CSMD1: variants seen among roughly 807,000 people sequenced by gnomAD.
CSMD1 encodes CUB and sushi domain-containing protein 1.
CSMD1 carries 213 observed loss-of-function variants against 417.5 expected under a neutral mutation model. The observed-to-expected ratio is 0.51, with a 90% CI of 0.46 to 0.57. The LOEUF is 0.57. Among genes scored for constraint, CSMD1 ranks in the 20% least tolerant of loss-of-function variants. CSMD1 has a pLI of 0.00. For missense variants in CSMD1, 6,923 were observed against 4,529.7 expected (o/e 1.53, Z -15.17); for synonymous variants, 2,862 against 1,736.8 (o/e 1.65, Z -16.11).
chr8:4,828,738 T>C (rs1715808803), intron 1 of CSMD1, among the ~76,000 whole-genome samples: 1 of 152,166 alleles, frequency 6.6e-6, no homozygotes, highest in African/African-American at 2.4e-5. Flanking sequence ...ACTTTTATCA[T>C]TTGGAGGTAC....
chr8:3,708,267 T>C (rs1801292338), intron 7 of CSMD1, 147 bp downstream of exon 7: 2 of 660,634 alleles, frequency 3.0e-6, no homozygotes, highest in Admixed American at 2.7e-5. Flanking sequence ...GTGCATGTTC[T>C]TTCTCCCAGA....
intron 2 of CSMD1, among the ~76,000 whole-genome samples, chr8:4,478,155 C>A (rs1009284423): frequency 6.6e-6 from 1 of 152,154 alleles, no homozygotes; most frequent in African/African-American, 2.4e-5. Context: ...CAAAGATGGG[C>A]AATTTTCTTA....
At chr8:3,507,426 C>G (rs1435405063) in intron 10 of CSMD1, among the ~76,000 whole-genome samples, 1 of 152,152 alleles carries the variant, frequency 6.6e-6, no homozygotes, top group Non-Finnish European at 1.5e-5. Flanking sequence ...TGGGTTGGTT[C>G]CAAGTCTTTG....
chr8:4,022,584 G>C (rs192901375), intron 4 of CSMD1, among the ~76,000 whole-genome samples: 13 of 152,272 alleles, frequency 8.5e-5, no homozygotes, highest in Admixed American at 7.2e-4. Flanking sequence ...CACGAGTAAA[G>C]AGAAGCCTCC....
At chr8:4,595,266 A>G (rs1460462950) in intron 2 of CSMD1, among the ~76,000 whole-genome samples, 1 of 150,128 alleles carries the variant, frequency 6.7e-6, no homozygotes, top group Non-Finnish European at 1.5e-5. Flanking sequence ...TGAGACAGGA[A>G]GGTATAATAT....
chr8:3,641,460 G>A (rs1046024547), intron 7 of CSMD1, among the ~76,000 whole-genome samples: 22 of 152,128 alleles, frequency 1.4e-4, no homozygotes, highest in African/African-American at 5.1e-4. Flanking sequence ...ATCAGTAAGT[G>A]GTTTTTAGCT....
intron 10 of CSMD1, among the ~76,000 whole-genome samples, chr8:3,558,278 G>T (rs1343304627): frequency 1.3e-5 from 2 of 150,386 alleles, no homozygotes; most frequent in Admixed American, 6.6e-5. Context: ...CTCCAGTGAT[G>T]AATGGTGCCT....
chr8:4,113,253 T>G (rs189940621), intron 3 of CSMD1, among the ~76,000 whole-genome samples: 8 of 152,222 alleles, frequency 5.3e-5, no homozygotes, highest in African/African-American at 7.2e-5. Flanking sequence ...AAGAAAGGAC[T>G]GCACATCTCT....
chr8:4,486,947 T>C (rs1563224839), intron 2 of CSMD1, among the ~76,000 whole-genome samples: 2 of 152,144 alleles, frequency 1.3e-5, no homozygotes, highest in Admixed American at 6.5e-5. Context: ...GGGTCCTAAA[T>C]GGTAGCTCAC....
chr8:3,673,247 T>C (rs1365409728), intron 7 of CSMD1, among the ~76,000 whole-genome samples: 1 of 152,234 alleles, frequency 6.6e-6, no homozygotes, highest in Non-Finnish European at 1.5e-5. Context: ...AATTCGTTTC[T>C]ATTGAACACA....
intron 2 of CSMD1, among the ~76,000 whole-genome samples, chr8:4,627,442 G>T (rs1585354038): frequency 6.6e-6 from 1 of 151,994 alleles, no homozygotes. Context: ...TTTGATACCT[G>T]AAGAAAAAAG....
chr8:4,919,358 A>C (rs1806282974), intron 1 of CSMD1, among the ~76,000 whole-genome samples: 1 of 152,196 alleles, frequency 6.6e-6, no homozygotes, highest in Non-Finnish European at 1.5e-5. Flanking sequence ...CTGGTACTTA[A>C]AATTTAGCAT....
chr8:4,457,683 G>C (rs1011649632), intron 2 of CSMD1, among the ~76,000 whole-genome samples: 2 of 152,106 alleles, frequency 1.3e-5, no homozygotes, highest in Admixed American at 1.3e-4. Flanking sequence ...AAGAGCACTA[G>C]AGGTTCACAT....
intron 49 of CSMD1, among the ~76,000 whole-genome samples, chr8:3,086,132 T>A (rs1023379068): frequency 6.6e-6 from 1 of 152,086 alleles, no homozygotes; most frequent in Non-Finnish European, 1.5e-5. Flanking sequence ...AACAGAGTCA[T>A]AGAACATTTA....
intron 5 of CSMD1, among the ~76,000 whole-genome samples, chr8:3,762,427 T>G (rs537960810): frequency 2.0e-5 from 3 of 152,338 alleles, no homozygotes; most frequent in South Asian, 2.1e-4. Context: ...CACGCCAGAC[T>G]TACCCTTTGC....
chr8:4,845,129 GTA>G (rs1801060609), intron 1 of CSMD1, among the ~76,000 whole-genome samples: 1 of 151,822 alleles, frequency 6.6e-6, no homozygotes, highest in Non-Finnish European at 1.5e-5. Flanking sequence ...AGTTTTATTA[GTA>G]TATAAAAATT....
At chr8:4,963,388 C>T (rs34895043) in intron 1 of CSMD1, among the ~76,000 whole-genome samples, 10 of 151,846 alleles carry the variant, frequency 6.6e-5, no homozygotes, top group African/African-American at 2.4e-4. Flanking sequence ...TTAGTAGAGA[C>T]GAGGTTTCAC....
chr8:4,788,580 A>G, intron 1 of CSMD1: 1 of 1,288,310 alleles, frequency 7.8e-7, no homozygotes, highest in East Asian at 2.3e-5. Context: ...AGAGAATGTA[A>G]TTTATAAGAA....
chr8:4,662,048 A>G (rs951056091), intron 1 of CSMD1, among the ~76,000 whole-genome samples: 1 of 152,188 alleles, frequency 6.6e-6, no homozygotes, highest in African/African-American at 2.4e-5. Context: ...TCAATGATGT[A>G]ACTGTGTTGA....
Sources: gnomAD v4.1 joint callset for allele counts (sites outside exome capture counted in the v4.1 genomes callset) on GRCh38, gnomAD v4.1.1 for gene constraint, MANE v1.5 for transcripts, NCBI Gene and HGNC (gene_info 2026-07-23, HGNC 2026-07-21) for gene names.